Variants in EVC observed in about 807,000 individuals in gnomAD.
EVC encodes the protein evC complex member EVC.
EVC carries 116 observed loss-of-function variants against 118.9 expected under a neutral mutation model. The ratio of observed to expected loss-of-function variants is 0.98; its 90% CI spans 0.84 to 1.14. The LOEUF is 1.14. EVC is among the 50% of genes most tolerant of loss of function. The pLI, the probability that EVC is intolerant of heterozygous loss-of-function variation, is 0.00. For synonymous variants in EVC, 619 were observed against 534.7 expected (o/e 1.16, Z -2.18); for missense variants, 1,401 against 1,246.4 (o/e 1.12, Z -1.87).
At chr4:5,821,323 A>C in the EVC span, 2 of 161,678 alleles carry the variant, frequency 1.2e-5, no homozygotes, top group African/African-American at 4.8e-5. This position sits in a 1 kb window ranked among gnomAD's most constrained non-coding sequence, Gnocchi z 4.4. Flanking sequence ...ATCGTGTCTC[A>C]GTCAGTCCTT....
Position 5,810,070 on chromosome 4 carries a change from A to G in EVC, c.2783-269A>G, listed in dbSNP as rs9991936. Reference sequence around the variant, plus strand: ...CATTAAGTCTTCCAGTCAGCTGGGTAGAGTGGATACCCAGCGGGAGCCTAG... The same window carrying G: ...CATTAAGTCTTCCAGTCAGCTGGGTGGAGTGGATACCCAGCGGGAGCCTAG... On this transcript the variant is annotated intron_variant, in intron 19 of 20. Transcript: ENST00000264956. Among the ~76,000 whole-genome samples the G allele has an allele frequency of 0.071, 10,768 of 152,280 alleles. 572 individuals carry two copies. The highest frequency in any genetic ancestry group is 0.13 in the South Asian group (633 of 4,824).
intron 1 of EVC, among the ~76,000 whole-genome samples, chr4:5,718,875 C>G (rs1724445539): frequency 6.6e-6 from 1 of 152,180 alleles, no homozygotes; most frequent in Non-Finnish European, 1.5e-5. Context: ...TATGCATGTG[C>G]CATTTCTCAT....
chr4:5,758,495 A>T (rs1731526062), intron 11 of EVC, among the ~76,000 whole-genome samples: 1 of 152,218 alleles, frequency 6.6e-6, no homozygotes, highest in Non-Finnish European at 1.5e-5. Context: ...TGTTTTCTCC[A>T]GAAATGGGTA....
intron 11 of EVC, chr4:5,758,209 C>T (rs1731478431): frequency 2.9e-6 from 2 of 693,052 alleles, no homozygotes; most frequent in Admixed American, 2.0e-5. Flanking sequence ...CCAGGAAGGG[C>T]CCCTCCCAGA....
At chr4:5,796,449 G>A (rs1274502738) in intron 13 of EVC, among the ~76,000 whole-genome samples, 2 of 151,942 alleles carry the variant, frequency 1.3e-5, no homozygotes, top group African/African-American at 4.8e-5. Context: ...TCGGATGGTG[G>A]GAGATTCACT....
Position 5,802,008 on chromosome 4 carries a change from GC to G in EVC, c.2365del (p.Leu789TrpfsTer24). On this transcript the variant is annotated frameshift_variant, in exon 16 of 21. Transcript: ENST00000264956. LOFTEE classifies it high-confidence loss of function. ...TACGTGACCAGCGCTGGTGTCAGCC[GC>G]CTGGTGCAGGCGTATTACCAGCAAA... The part of the protein sequence containing the change: ...SVYVTSAGVS[R>X]LVQAYYQQIG... 9 of 1,614,174 alleles carry G rather than the reference GC, an allele frequency of 5.6e-6. No homozygotes were observed. Among genetic ancestry groups the G allele is most frequent in the Non-Finnish European group, 7.6e-6 (9 of 1,180,030 alleles).
At chr4:5,805,784 T>G (rs1030229205) in intron 17 of EVC, among the ~76,000 whole-genome samples, 1 of 152,114 alleles carries the variant, frequency 6.6e-6, no homozygotes, top group African/African-American at 2.4e-5. Context: ...AAGCCCAGTG[T>G]TGGGAAAGGG....
Position 5,801,837 on chromosome 4 carries a change from G to A in EVC, c.2305-113G>A, listed in dbSNP as rs573306381. On this transcript the variant is annotated intron_variant, in intron 15 of 20. Coordinates refer to ENST00000264956, the MANE Select transcript of EVC (RefSeq NM_153717.3). The stretch of plus-strand genomic sequence containing the variant: ...CCTGCTTCCTGACCAATCCAGGTTG[G>A]TGAGTAGGTGGAAGATCTGAACCAG... The A allele has an allele frequency of 6.5e-4, 788 of 1,216,622 alleles. 9 individuals are homozygous for A. The South Asian group carries it at 9.8e-3, about 15-fold the overall frequency. The allele number at this position is 1,216,622 out of a possible 1,614,324, so 75.4% of individuals were successfully genotyped here.
chr4:5,804,190 G>A (rs1339004876), intron 16 of EVC, among the ~76,000 whole-genome samples: 1 of 152,040 alleles, frequency 6.6e-6, no homozygotes, highest in Non-Finnish European at 1.5e-5. Context: ...CACCCATCTC[G>A]GCCTCCCAAA....
chr4:5,766,423 T>C (rs1732875079), intron 11 of EVC, among the ~76,000 whole-genome samples: 1 of 133,426 alleles, frequency 7.5e-6, no homozygotes, highest in East Asian at 2.2e-4. Flanking sequence ...TGGCGTTCTC[T>C]GTATTTCCTG....
chr4:5,765,417 G>T (rs1229824655), intron 11 of EVC, among the ~76,000 whole-genome samples: 1 of 113,288 alleles, frequency 8.8e-6, no homozygotes, highest in Non-Finnish European at 1.9e-5. Context: ...TGTCTATTAG[G>T]TCTGCTTGGT....
intron 15 of EVC, among the ~76,000 whole-genome samples, chr4:5,801,136 T>G (rs1714892178): frequency 6.6e-6 from 1 of 152,210 alleles, no homozygotes; most frequent in South Asian, 2.1e-4. Context: ...GCAAGTAACA[T>G]GGCTCAAAGA....
chr4:5,765,765 C>T (rs1732771492), intron 11 of EVC, among the ~76,000 whole-genome samples: 2 of 149,514 alleles, frequency 1.3e-5, no homozygotes, highest in East Asian at 2.0e-4. Flanking sequence ...GGTAGCTCTT[C>T]CTCCATCCTT....
At chr4:5,777,916 A>C (rs1426240461) in intron 11 of EVC, among the ~76,000 whole-genome samples, 3 of 152,012 alleles carry the variant, frequency 2.0e-5, no homozygotes, top group Non-Finnish European at 2.9e-5. Context: ...GATACATGTG[A>C]CATGCTGGTG....
At chr4:5,723,191 CTTTT>C (rs542977317) in intron 2 of EVC, among the ~76,000 whole-genome samples, 1 of 140,750 alleles carries the variant, frequency 7.1e-6, no homozygotes, top group Non-Finnish European at 1.5e-5. Context: ...TCCTTTCCTT[CTTTT>C]TTTTTTTTTT....
At chr4:5,824,306 G>A in the EVC span, 3 of 985,234 alleles carry the variant, frequency 3.0e-6, no homozygotes, top group South Asian at 9.4e-5. Flanking sequence ...ATTCTATTTA[G>A]GGTCCATTTT....
chr4:5,816,231 C>T (rs1473795115), downstream of EVC, among the ~76,000 whole-genome samples: 1 of 152,164 alleles, frequency 6.6e-6, no homozygotes, highest in Non-Finnish European at 1.5e-5. Flanking sequence ...AGCCGCTGGA[C>T]TTAGTCTGAG....
the EVC span, chr4:5,827,960 G>A: frequency 1.5e-4 from 127 of 864,744 alleles, no homozygotes; most frequent in South Asian, 2.1e-4. Context: ...TGCTAAGGTT[G>A]TTCAAGGAAA....
intron 11 of EVC, among the ~76,000 whole-genome samples, chr4:5,761,503 G>A (rs1330277834): frequency 2.0e-5 from 3 of 150,870 alleles, no homozygotes; most frequent in African/African-American, 4.9e-5. Flanking sequence ...GGCGGGGGGC[G>A]GGGGGTGGTT....
Sources: gnomAD v4.1 joint callset for allele counts (sites outside exome capture counted in the v4.1 genomes callset) on GRCh38, gnomAD v4.1.1 for gene constraint, Gnocchi (gnomAD v3.1) non-coding constraint, MANE v1.5 for transcripts, NCBI Gene and HGNC (gene_info 2026-07-23, HGNC 2026-07-21) for gene names.